Variants in ANKRD44 observed in about 807,000 individuals in gnomAD.
ANKRD44 encodes serine/threonine-protein phosphatase 6 regulatory ankyrin repeat subunit B.
Under a neutral mutation model 116.0 loss-of-function variants are expected in ANKRD44, and 35 were observed. The observed-to-expected ratio is 0.30, with a 90% CI of 0.23 to 0.40. The LOEUF is 0.40. Ranked by LOEUF, ANKRD44 falls within the 10% of genes least tolerant of loss-of-function variation. The probability of loss-of-function intolerance (pLI) is 1.00; values close to 1 mark genes in which losing one functional copy is unlikely to be tolerated. For missense variants in ANKRD44, 1,014 were observed against 1,242.6 expected, an observed-to-expected ratio of 0.82 and a Z score of 2.77; for synonymous variants, 435 against 461.8, an observed-to-expected ratio of 0.94 and a Z score of 0.74.
chr2:197,200,487 C>T (rs1219151928), intron 1 of ANKRD44, among the ~76,000 whole-genome samples: 1 of 152,158 alleles, frequency 6.6e-6, no homozygotes, highest in Non-Finnish European at 1.5e-5. Flanking sequence ...CCCACCACCA[C>T]CACTCGCCAG....
At chr2:197,055,933 A>C (rs1407711872) in intron 16 of ANKRD44, among the ~76,000 whole-genome samples, 1 of 152,188 alleles carries the variant, frequency 6.6e-6, no homozygotes, top group Non-Finnish European at 1.5e-5. Flanking sequence ...CTATGTCACC[A>C]GGCTGGAGTA....
intron 1 of ANKRD44, among the ~76,000 whole-genome samples, chr2:197,307,954 G>C (rs1331915305): frequency 1.3e-5 from 2 of 152,156 alleles, no homozygotes; most frequent in Admixed American, 1.3e-4. Flanking sequence ...TGGACTGTTT[G>C]AGCCCAAGAG....
intron 8 of ANKRD44, among the ~76,000 whole-genome samples, chr2:197,115,747 CAG>C (rs1167513266): frequency 6.6e-6 from 1 of 152,276 alleles, no homozygotes; most frequent in African/African-American, 2.4e-5. Flanking sequence ...CAATGTGGTA[CAG>C]AGAGATAACA....
At chr2:197,086,610 T>C (rs1405272546) in intron 13 of ANKRD44, 70 bp downstream of exon 13, 1 of 1,452,282 alleles carries the variant, frequency 6.9e-7, no homozygotes, top group Non-Finnish European at 9.6e-7. Flanking sequence ...CAACCTAACT[T>C]GATTACTACA....
intron 1 of ANKRD44, among the ~76,000 whole-genome samples, chr2:197,294,309 T>C (rs1055740563): frequency 6.6e-6 from 1 of 152,174 alleles, no homozygotes; most frequent in African/African-American, 2.4e-5. Flanking sequence ...ACACGTGTCA[T>C]CTTTCATATA....
At position 197,164,508 on chromosome 2, in the gene ANKRD44, C is replaced by T. The variant is rs960956591; in HGVS notation, c.112-17403G>A. ...AAGAGCAGCGCTCAGAAGAGCCCTT[C>T]CCCCACCGCAGCGGCTCCTGGGTGG... On this transcript the variant is annotated intron_variant, in intron 2 of 27. Coordinates refer to ENST00000282272, the MANE Select transcript of ANKRD44 (RefSeq NM_001195144.2). 3.3e-5 allele frequency among the ~76,000 whole-genome samples: 5 copies of T among 152,306 alleles called. No individual in the cohort carries two copies. The South Asian group carries it at 6.2e-4, about 19-fold the overall frequency.
At chr2:197,193,227 G>C (rs946567065) in intron 1 of ANKRD44, among the ~76,000 whole-genome samples, 7 of 152,056 alleles carry the variant, frequency 4.6e-5, no homozygotes, top group Non-Finnish European at 1.0e-4. Flanking sequence ...ATCCTTTGTT[G>C]CTCCTTCCTT....
At chr2:197,156,277 C>T (rs778103193) in intron 2 of ANKRD44, among the ~76,000 whole-genome samples, 8 of 151,350 alleles carry the variant, frequency 5.3e-5, no homozygotes, top group South Asian at 2.1e-4. Context: ...ACCCGGGAGG[C>T]GGAGCTTGCA....
intron 1 of ANKRD44, among the ~76,000 whole-genome samples, chr2:197,229,916 G>A (rs1341999803): frequency 1.3e-5 from 2 of 152,166 alleles, no homozygotes; most frequent in Non-Finnish European, 2.9e-5. Flanking sequence ...TATCTTGGGA[G>A]TGAATAATAT....
chr2:197,223,867 C>T (rs1051506784), intron 1 of ANKRD44, among the ~76,000 whole-genome samples: 1 of 152,122 alleles, frequency 6.6e-6, no homozygotes. Flanking sequence ...TCACCTATCA[C>T]TTACATAATG....
intron 1 of ANKRD44, among the ~76,000 whole-genome samples, chr2:197,308,174 A>AC (rs2084131427): frequency 6.9e-6 from 1 of 144,764 alleles, no homozygotes; most frequent in African/African-American, 2.6e-5. Context: ...CACACACACA[A>AC]AAAAAAAAAA....
chr2:197,271,893 C>G (rs186631850), intron 1 of ANKRD44, among the ~76,000 whole-genome samples: 1 of 152,204 alleles, frequency 6.6e-6, no homozygotes, highest in African/African-American at 2.4e-5. Flanking sequence ...TGAGCCAGCA[C>G]GCCCAGCCCA....
At chr2:197,235,148 C>T (rs1272317832) in intron 1 of ANKRD44, among the ~76,000 whole-genome samples, 2 of 151,960 alleles carry the variant, frequency 1.3e-5, no homozygotes, top group East Asian at 1.9e-4. Context: ...TGTGAAAATC[C>T]TGGTGTGCCA....
intron 1 of ANKRD44, among the ~76,000 whole-genome samples, chr2:197,297,787 C>A (rs2105899080): frequency 6.6e-6 from 1 of 152,316 alleles, no homozygotes; most frequent in African/African-American, 2.4e-5. Flanking sequence ...CTCCTTGCTA[C>A]AAAGCAGAGC....
At position 197,203,201 on chromosome 2, in the gene ANKRD44, C is replaced by G. The variant is rs994087607; in HGVS notation, c.28-16095G>C. Among the ~76,000 whole-genome samples the G allele has an allele frequency of 1.3e-5, 2 of 152,058 alleles. No homozygotes were observed. Among genetic ancestry groups the G allele is most frequent in the Non-Finnish European group, 2.9e-5 (2 of 68,012 alleles). On this transcript the variant is annotated intron_variant, in intron 1 of 27. Transcript: ENST00000282272. This position sits in a 1 kb window ranked among gnomAD's most constrained non-coding sequence, Gnocchi z 4.1. ...AATTTTTGTATAAAGATGTTCATAA[C>G]AACACTATTTATGACAGGAAAAATT...
At chr2:197,260,446 T>C (rs1574385784) in intron 1 of ANKRD44, among the ~76,000 whole-genome samples, 1 of 152,184 alleles carries the variant, frequency 6.6e-6, no homozygotes, top group Non-Finnish European at 1.5e-5. Flanking sequence ...TATTCCATGG[T>C]GTATATGTGC....
chr2:197,105,225 T>C (rs774967528), intron 9 of ANKRD44, among the ~76,000 whole-genome samples: 4 of 152,126 alleles, frequency 2.6e-5, no homozygotes, highest in Non-Finnish European at 5.9e-5. Context: ...GTGATTCTCC[T>C]GTCTCATCCT....
rs2080700382 is a variant in ANKRD44, at chr2:197,187,220, G to A, written c.28-114C>T. The A allele has an allele frequency of 4.8e-6, 5 of 1,035,278 alleles. No homozygotes were observed. The East Asian group carries it at 1.3e-4, about 26-fold the overall frequency. 64.1% of individuals were successfully genotyped at this position (1,035,278 alleles called of 1,614,324 possible). The stretch of plus-strand genomic sequence containing the variant: ...AAGTTTATTGAACCATTATCAGTTG[G>A]CAGACAAAGATGAATAAGACTCAGA... On this transcript the variant is annotated intron_variant, in intron 1 of 27. Transcript: ENST00000282272.
rs146265051 is a variant in ANKRD44 at position 197,056,459 on chromosome 2, T to A, written c.1650+22244A>T. 1.4e-3 allele frequency among the ~76,000 whole-genome samples: 220 copies of A among 152,302 alleles called. 1 individual carries two copies. Among genetic ancestry groups the A allele is most frequent in the Non-Finnish European group, 2.6e-3 (176 of 68,024 alleles). On this transcript the variant is annotated intron_variant, in intron 16 of 27. Coordinates refer to ENST00000282272, the MANE Select transcript of ANKRD44 (RefSeq NM_001195144.2). ...TGGTAAGGGCATTTAATACTTTTTA[T>A]GCTGTTGAAAATTGTAATTTTTTGT...
Sources: gnomAD v4.1 joint callset for allele counts (sites outside exome capture counted in the v4.1 genomes callset) on GRCh38, gnomAD v4.1.1 for gene constraint, Gnocchi (gnomAD v3.1) non-coding constraint, MANE v1.5 for transcripts, NCBI Gene and HGNC (gene_info 2026-07-23, HGNC 2026-07-21) for gene names.